The following LRRC59 variants were observed in gnomAD, a reference collection of about 807,000 sequenced individuals.
LRRC59 encodes leucine rich repeat containing 59.
Under a neutral mutation model 33.5 loss-of-function variants are expected in LRRC59, and 18 were observed. That is an observed-to-expected ratio of 0.54 (90% CI 0.37 to 0.80). LRRC59 has a LOEUF of 0.80. LRRC59 is among the 30% of genes least tolerant of loss of function. LRRC59 has a pLI of 0.00. For synonymous variants in LRRC59, 138 were observed against 160.0 expected, an observed-to-expected ratio of 0.86 and a Z score of 1.04; for missense variants, 330 against 391.9, an observed-to-expected ratio of 0.84 and a Z score of 1.33.
At position 50,381,904 on chromosome 17, in the gene LRRC59, T is replaced by G. The variant is rs1326677534; in HGVS notation, c.*1084A>C. The G allele has an allele frequency of 1.3e-5, 2 of 152,776 alleles. No homozygotes were observed. The highest frequency in any genetic ancestry group is 3.8e-4 in the East Asian group (2 of 5,196). 9.5% of individuals were successfully genotyped at this position (152,776 alleles called of 1,614,324 possible). A position where few individuals can be genotyped will look rare whatever the true frequency, so the allele number is the denominator to read the frequency against. The stretch of plus-strand genomic sequence containing the variant: ...TCATATCCTGTTTCCATTTATGCCC[T>G]TCAGTTATGGTCTAGAATCAAACAA... On this transcript the variant is annotated 3_prime_UTR_variant, in exon 7 of 7. Transcript: ENST00000225972.
At position 50,382,227 on chromosome 17, in the gene LRRC59, G is replaced by T. The variant is rs1048319152; in HGVS notation, c.*761C>A. The T allele has an allele frequency of 1.2e-4, 19 of 152,276 alleles. No homozygotes were observed. Among genetic ancestry groups the T allele is most frequent in the African/African-American group, 4.6e-4 (19 of 41,452 alleles). 9.4% of individuals were successfully genotyped at this position (152,276 alleles called of 1,614,324 possible). ...CTGAGTCGTGAAATCTGTCTACCAT[G>T]AAAGAGTCTATGCTTCACCTGAGGA... On this transcript the variant is annotated 3_prime_UTR_variant, in exon 7 of 7. Transcript: ENST00000225972.
chr17:50,385,440 T>C, intron 5 of LRRC59, 149 bp from the exon 6 acceptor site: 1 of 897,066 alleles, frequency 1.1e-6, no homozygotes, highest in Non-Finnish European at 1.7e-6. Context: ...GCCATCCTTC[T>C]GCTCCTGGAA....
intron 1 of LRRC59, chr17:50,397,001 C>T (rs1914290251): frequency 7.0e-6 from 3 of 426,242 alleles, no homozygotes; most frequent in Non-Finnish European, 1.2e-5. Flanking sequence ...GCAGATCTTC[C>T]CTATGTTCTG....
chr17:50,383,670 T>C (rs1458187855), intron 6 of LRRC59, among the ~76,000 whole-genome samples: 1 of 152,106 alleles, frequency 6.6e-6, no homozygotes, highest in Non-Finnish European at 1.5e-5. Flanking sequence ...TAATACACCA[T>C]ATTGTAAGCA....
At chr17:50,390,626 T>C (rs141746262) in intron 4 of LRRC59, among the ~76,000 whole-genome samples, 318 of 152,334 alleles carry the variant, frequency 2.1e-3, no homozygotes, top group Admixed American at 4.7e-3. Context: ...CAGTAAGCAC[T>C]TGATGAATAC....
intron 6 of LRRC59, 90 bp downstream of exon 6, chr17:50,385,028 C>T (rs72832486): frequency 0.014 from 19,491 of 1,420,692 alleles, 266 homozygotes; most frequent in Middle Eastern, 0.042. Flanking sequence ...CTAAGGTTTG[C>T]AGGCCTGCTC....
In LRRC59 at chr17:50,388,268, G is replaced by T. The variant is rs570819649; in HGVS notation, c.430-136C>A. The T allele has an allele frequency of 1.4e-5, 11 of 787,764 alleles. No homozygotes were observed. The East Asian group carries it at 2.9e-4, about 21-fold the overall frequency. The allele number at this position is 787,764 out of a possible 1,614,324, so 48.8% of individuals were successfully genotyped here. A position where few individuals can be genotyped will look rare whatever the true frequency, so the allele number is the denominator to read the frequency against. On this transcript the variant is annotated intron_variant, in intron 4 of 6. Transcript: ENST00000225972. ...ACTAATAAGAGTTAGGCTGAATGTG[G>T]TGGCTCACGCCTGTAACCCCAACAC...
intron 2 of LRRC59, 83 bp downstream of exon 2, chr17:50,394,846 T>TCC (rs1177780530): frequency 2.1e-6 from 2 of 960,362 alleles, no homozygotes; most frequent in Non-Finnish European, 3.3e-6. Context: ...TATGACACCC[T>TCC]CCCACCCCCC....
At chr17:50,387,917 T>C in intron 5 of LRRC59, 143 bp downstream of exon 5, 2 of 776,866 alleles carry the variant, frequency 2.6e-6, no homozygotes, top group Non-Finnish European at 4.4e-6. Context: ...ATAAAGACGA[T>C]ACCATCCACC....
rs1455404161 is a variant in LRRC59, at chr17:50,382,545, C to T, written c.*443G>A. The T allele has an allele frequency of 5.9e-6, 1 of 170,326 alleles. No individual in the cohort carries two copies. Among genetic ancestry groups the T allele is most frequent in the African/African-American group, 2.4e-5 (1 of 41,806 alleles). 10.6% of individuals were successfully genotyped at this position (170,326 alleles called of 1,614,324 possible). ...TACCTCCCAGTTTAGACTGGATTTA[C>T]TGAGCGTGGTGTTCTAGTCCCCCCC... On this transcript the variant is annotated 3_prime_UTR_variant, in exon 7 of 7. Coordinates refer to ENST00000225972, the MANE Select transcript of LRRC59 (RefSeq NM_018509.4).
At chr17:50,387,123 A>G (rs1215569232) in intron 5 of LRRC59, among the ~76,000 whole-genome samples, 1 of 98,556 alleles carries the variant, frequency 1.0e-5, no homozygotes, top group Non-Finnish European at 2.5e-5. Context: ...GTCTCAAAAA[A>G]TAATTAAAAA....
intron 5 of LRRC59, among the ~76,000 whole-genome samples, chr17:50,387,040 G>C (rs1004864883): frequency 2.6e-5 from 4 of 152,106 alleles, no homozygotes; most frequent in African/African-American, 9.7e-5. Context: ...ATGGCTTGAA[G>C]CCAGGAGGCG....
intron 5 of LRRC59, chr17:50,386,187 A>G (rs955362377): frequency 1.8e-4 from 27 of 152,204 alleles, no homozygotes; most frequent in African/African-American, 6.5e-4. Flanking sequence ...AGAAGGAAGA[A>G]AGAAATCTCT....
At chr17:50,392,605 T>C in intron 3 of LRRC59, 103 bp from the exon 4 acceptor site, 1 of 1,446,534 alleles carries the variant, frequency 6.9e-7, no homozygotes, top group Non-Finnish European at 9.6e-7. Context: ...CCCTCTGTGT[T>C]CCACATATAG....
chr17:50,396,992 C>T, intron 1 of LRRC59: 1 of 412,212 alleles, frequency 2.4e-6, no homozygotes, highest in Non-Finnish European at 4.3e-6. Flanking sequence ...GCCAGAGAAG[C>T]AGATCTTCCC....
intron 2 of LRRC59, 94 bp from the exon 3 acceptor site, chr17:50,392,991 T>A: frequency 8.1e-7 from 1 of 1,235,372 alleles, no homozygotes; most frequent in Non-Finnish European, 1.1e-6. Flanking sequence ...TAACCTTTCT[T>A]AAAACATTAC....
At chr17:50,394,370 C>G (rs543883831) in intron 2 of LRRC59, among the ~76,000 whole-genome samples, 1 of 152,088 alleles carries the variant, frequency 6.6e-6, no homozygotes, top group African/African-American at 2.4e-5. Context: ...AACTAGCAGA[C>G]GTTGTGCAAG....
intron 1 of LRRC59, chr17:50,395,885 G>C (rs1914261739): frequency 6.6e-6 from 1 of 150,904 alleles, no homozygotes; most frequent in Non-Finnish European, 1.5e-5. Flanking sequence ...GGCAACAACA[G>C]CAAAACTCCA....
intron 6 of LRRC59, 127 bp downstream of exon 6, chr17:50,384,991 A>T: frequency 1.8e-6 from 2 of 1,108,084 alleles, no homozygotes; most frequent in Non-Finnish European, 2.6e-6. Flanking sequence ...CTTCTCATCC[A>T]CTCCCAAGCT....
Sources: allele counts gnomAD v4.1 joint callset (sites outside exome capture counted in the v4.1 genomes callset), GRCh38; gene constraint gnomAD v4.1.1; transcripts MANE v1.5; gene names NCBI Gene and HGNC (gene_info 2026-07-23, HGNC 2026-07-21).